The following RASGEF1B variants were observed in gnomAD, a reference collection of about 807,000 sequenced individuals.
RASGEF1B encodes the protein ras-GEF domain-containing family member 1B.
In RASGEF1B, 30 loss-of-function variants were observed where a neutral mutation model predicts 65.7. The ratio of observed to expected loss-of-function variants is 0.46; its 90% CI spans 0.34 to 0.62. The LOEUF is 0.62. RASGEF1B is among the 20% of genes least tolerant of loss of function. The probability of loss-of-function intolerance (pLI) is 0.01; values close to 1 mark genes in which losing one functional copy is unlikely to be tolerated. For synonymous variants in RASGEF1B, 175 were observed against 194.8 expected, an observed-to-expected ratio of 0.90 and a Z score of 0.85; for missense variants, 495 against 580.1, an observed-to-expected ratio of 0.85 and a Z score of 1.51.
chr4:81,435,054 G>GA (rs922948485), intron 10 of RASGEF1B, among the ~76,000 whole-genome samples: 2 of 152,136 alleles, frequency 1.3e-5, no homozygotes, highest in East Asian at 1.9e-4. Context: ...TATTATGAAA[G>GA]AAAAAATACC....
intron 4 of RASGEF1B, 130 bp downstream of exon 4, chr4:81,456,521 G>T: frequency 1.1e-6 from 1 of 883,896 alleles, no homozygotes; most frequent in Non-Finnish European, 1.9e-6. Context: ...ACCAATATGT[G>T]ATGTGGAGGG....
intron 3 of RASGEF1B, among the ~76,000 whole-genome samples, chr4:81,457,013 A>G (rs563313431): frequency 6.6e-6 from 1 of 152,208 alleles, no homozygotes; most frequent in East Asian, 1.9e-4. Flanking sequence ...TAAAATTTTT[A>G]AATTTTTAAT....
At position 81,427,211 on chromosome 4, in the gene RASGEF1B, G is replaced by C. The variant is rs1721257258; in HGVS notation, c.*557C>G. On this transcript the variant is annotated 3_prime_UTR_variant, in exon 14 of 14. Coordinates refer to ENST00000264400, the MANE Select transcript of RASGEF1B (RefSeq NM_152545.3). ...AAATTTACAACACAGCACATACTAA[G>C]GGGAAACAAAGTCTGCAGTCAGCTT... 6.5e-6 allele frequency: 1 copy of C among 152,820 alleles called. No homozygotes were observed. The highest frequency in any genetic ancestry group is 6.5e-5 in the Admixed American group (1 of 15,286). The allele number at this position is 152,820 out of a possible 1,614,324, so 9.5% of individuals were successfully genotyped here. A position where few individuals can be genotyped will look rare whatever the true frequency, so the allele number is the denominator to read the frequency against.
At chr4:81,445,498 C>T (rs758762920) in intron 8 of RASGEF1B, 28 bp downstream of exon 8, 12 of 1,441,544 alleles carry the variant, frequency 8.3e-6, no homozygotes, top group East Asian at 6.8e-5. Flanking sequence ...TAAAGATAAA[C>T]GACATGTATC....
At chr4:81,465,524 C>T (rs571530272) in intron 1 of RASGEF1B, among the ~76,000 whole-genome samples, 1 of 152,286 alleles carries the variant, frequency 6.6e-6, no homozygotes, top group South Asian at 2.1e-4. Context: ...TCACGTTCTT[C>T]CAAGGACCCT....
At position 81,427,079 on chromosome 4, in the gene RASGEF1B, C is replaced by T. The variant is rs1721253129; in HGVS notation, c.*689G>A. On this transcript the variant is annotated 3_prime_UTR_variant, in exon 14 of 14. Coordinates refer to ENST00000264400, the MANE Select transcript of RASGEF1B (RefSeq NM_152545.3). Reference sequence around the variant, plus strand: ...TTATTTTCTTTCTAGTGGCTATTTTCCTACCACAGTGTTGAGCTTCATTAT... The same window carrying T: ...TTATTTTCTTTCTAGTGGCTATTTTTCTACCACAGTGTTGAGCTTCATTAT... 1 of 147,616 alleles carries T rather than the reference C, an allele frequency of 6.8e-6. No homozygotes were observed. Among genetic ancestry groups the T allele is most frequent in the Non-Finnish European group, 1.5e-5 (1 of 67,336 alleles). The allele number at this position is 147,616 out of a possible 1,614,324, so 9.1% of individuals were successfully genotyped here.
chr4:81,446,539 A>G lies in RASGEF1B; in HGVS notation c.730-701T>C, dbSNP rs139463902. ...TAATCGATACAGCAAAAAATGGCTAAGAGTACAGAGGAGTAGAACATTTTC... is the reference window on the plus strand; with the variant it reads ...TAATCGATACAGCAAAAAATGGCTAGGAGTACAGAGGAGTAGAACATTTTC... On this transcript the variant is annotated intron_variant, in intron 6 of 13. Coordinates refer to ENST00000264400, the MANE Select transcript of RASGEF1B (RefSeq NM_152545.3). Among the ~76,000 whole-genome samples, 1,033 of 152,340 alleles carry G rather than the reference A, an allele frequency of 6.8e-3. 9 individuals are homozygous for G. The highest frequency in any genetic ancestry group is 0.023 in the African/African-American group (949 of 41,582).
chr4:81,466,059 A>G (rs1722792554), intron 1 of RASGEF1B, among the ~76,000 whole-genome samples: 1 of 152,236 alleles, frequency 6.6e-6, no homozygotes, highest in Non-Finnish European at 1.5e-5. Flanking sequence ...GTCCCAATTA[A>G]AGAAAAGAAA....
chr4:81,439,054 C>T (rs1721744877), intron 10 of RASGEF1B, among the ~76,000 whole-genome samples: 1 of 152,056 alleles, frequency 6.6e-6, no homozygotes, highest in African/African-American at 2.4e-5. Context: ...CATATGTGTG[C>T]ATGTGTCTTT....
intron 4 of RASGEF1B, 100 bp downstream of exon 4, chr4:81,456,551 G>C (rs766558804): frequency 7.5e-7 from 1 of 1,335,242 alleles, no homozygotes; most frequent in Non-Finnish European, 1.1e-6. Context: ...AGGCAAAACA[G>C]AGAGGAAGCA....
At chr4:81,466,371 T>C (rs1722803042) in intron 1 of RASGEF1B, among the ~76,000 whole-genome samples, 1 of 152,190 alleles carries the variant, frequency 6.6e-6, no homozygotes. Context: ...TGACTGCACC[T>C]TCATAGGGTG....
intron 10 of RASGEF1B, among the ~76,000 whole-genome samples, chr4:81,439,535 C>A (rs1294506527): frequency 6.6e-6 from 1 of 152,226 alleles, no homozygotes; most frequent in Non-Finnish European, 1.5e-5. Context: ...ACAGCCTCCT[C>A]CCTGGGGCAG....
chr4:81,465,084 C>CAAAA (rs113774656), intron 1 of RASGEF1B, among the ~76,000 whole-genome samples: 2 of 91,792 alleles, frequency 2.2e-5, no homozygotes, highest in African/African-American at 3.7e-5. Context: ...AACTCCATCT[C>CAAAA]AAAAAAAAAA....
intron 9 of RASGEF1B, 99 bp from the exon 10 acceptor site, chr4:81,441,028 A>G (rs551585176): frequency 1.2e-3 from 893 of 733,594 alleles, no homozygotes; most frequent in Non-Finnish European, 1.6e-3. Context: ...AAAATTCAAA[A>G]TAAGTTAGGA....
intron 1 of RASGEF1B, among the ~76,000 whole-genome samples, chr4:81,467,120 G>GAAA (rs34235409): frequency 3.3e-5 from 5 of 150,764 alleles, no homozygotes; most frequent in African/African-American, 1.2e-4. Context: ...GTTAAGGGAG[G>GAAA]AAAAAAAAAT....
At chr4:81,456,430 C>G in intron 4 of RASGEF1B, 2 of 654,634 alleles carry the variant, frequency 3.1e-6, no homozygotes, top group Middle Eastern at 2.5e-4. Flanking sequence ...GAACATAGCC[C>G]CAAATTAATC....
At chr4:81,465,910 A>G (rs995375401) in intron 1 of RASGEF1B, among the ~76,000 whole-genome samples, 7 of 152,214 alleles carry the variant, frequency 4.6e-5, no homozygotes, top group Admixed American at 1.3e-4. Context: ...CAGAAAATGT[A>G]AGAGTCAGAG....
chr4:81,435,367 C>G (rs867572910), intron 10 of RASGEF1B, among the ~76,000 whole-genome samples: 2 of 137,050 alleles, frequency 1.5e-5, no homozygotes, highest in Non-Finnish European at 3.1e-5. Context: ...GCCGAGATTG[C>G]GCCACTGCAG....
chr4:81,456,896 G>A (rs1722463693), intron 3 of RASGEF1B, 108 bp from the exon 4 acceptor site: 1 of 1,021,670 alleles, frequency 9.8e-7, no homozygotes, highest in South Asian at 1.6e-5. Context: ...AAAGTCTTTA[G>A]GGATGAAGAA....
Sources: allele counts gnomAD v4.1 joint callset (sites outside exome capture counted in the v4.1 genomes callset), GRCh38; gene constraint gnomAD v4.1.1; transcripts MANE v1.5; gene names NCBI Gene and HGNC (gene_info 2026-07-23, HGNC 2026-07-21).